SOBP: variants seen among roughly 807,000 people sequenced by gnomAD.
The protein encoded by SOBP is sine oculis-binding protein homolog.
In SOBP, 4 loss-of-function variants were observed where a neutral mutation model predicts 53.6. That is an observed-to-expected ratio of 0.07 (90% CI 0.04 to 0.17). The LOEUF (loss-of-function observed/expected upper bound fraction) is 0.17, where lower values mean the gene tolerates loss of function less well. SOBP is among the 10% of genes least tolerant of loss of function. The pLI, the probability that SOBP is intolerant of heterozygous loss-of-function variation, is 1.00. For synonymous variants in SOBP, 584 were observed against 522.6 expected, an observed-to-expected ratio of 1.12 and a Z score of -1.60; for missense variants, 1,088 against 1,204.7, an observed-to-expected ratio of 0.90 and a Z score of 1.43.
At chr6:107,598,529 A>G (rs187440442) in intron 5 of SOBP, among the ~76,000 whole-genome samples, 1 of 152,340 alleles carries the variant, frequency 6.6e-6, no homozygotes, top group East Asian at 1.9e-4. Context: ...TGGCGAGAAT[A>G]AAATGAATTC....
rs767166553 is a variant in SOBP, at chr6:107,634,578, C to A, written c.1734C>A (p.Ser578Arg). The A allele has an allele frequency of 1.0e-4, 160 of 1,604,614 alleles. No individual in the cohort carries two copies. Among genetic ancestry groups the A allele is most frequent in the Non-Finnish European group, 1.3e-4 (159 of 1,179,692 alleles). ...GDSAAAGGKP[S>R]GHSLSPRDSK... is the part of the protein sequence containing the mutation. ...CCGCGGCGGCGGGCGGCAAGCCAAG[C>A]GGACACTCCCTGTCCCCCCGGGACT... The change falls in exon 6 of 7, where the codon AGC (serine) becomes AGA (arginine). Residue 578 changes from serine to arginine, a missense_variant. This residue lies in a region of SOBP where 665 missense variants were observed against 629.7 expected (regional missense o/e 1.06). Transcript: ENST00000317357. The surrounding 1 kb of genome is among the most constrained non-coding windows in gnomAD (Gnocchi z 4.5).
intron 1 of SOBP, among the ~76,000 whole-genome samples, chr6:107,499,295 C>T (rs899235041): frequency 3.3e-5 from 5 of 151,808 alleles, no homozygotes; most frequent in African/African-American, 9.7e-5. Flanking sequence ...AATTTTCTGT[C>T]GTGAAAAGAG....
At chr6:107,597,258 C>T (rs1427475780) in intron 5 of SOBP, among the ~76,000 whole-genome samples, 1 of 152,160 alleles carries the variant, frequency 6.6e-6, no homozygotes, top group Non-Finnish European at 1.5e-5. Flanking sequence ...CATTAGATAG[C>T]TATTTCAATC....
chr6:107,634,860 G>A lies in SOBP; in HGVS notation c.2016G>A (p.Leu672=). ...TGCACAACGTGATCCACCGCGCGCT[G>A]CACGCGCACGTCAAGGCGGAGCGCG... is the stretch of plus-strand genomic sequence containing the variant. ...ARLHNVIHRA[L]HAHVKAEREP... The change falls in exon 6 of 7, where the codon CTG becomes CTA. Residue 672 remains leucine, a synonymous_variant. Transcript: ENST00000317357. The surrounding 1 kb of genome is among the most constrained non-coding windows in gnomAD (Gnocchi z 4.5). 1.4e-6 allele frequency: 2 copies of A among 1,386,904 alleles called. No individual in the cohort carries two copies. The highest frequency in any genetic ancestry group is 1.9e-6 in the Non-Finnish European group (2 of 1,064,872). The allele number at this position is 1,386,904 out of a possible 1,614,324, so 85.9% of individuals were successfully genotyped here.
At position 107,635,259 on chromosome 6, in the gene SOBP, C is replaced by T. The variant is rs919207068; in HGVS notation, c.2415C>T (p.Asn805=). The change falls in exon 6 of 7, where the codon AAC becomes AAT. Residue 805 remains asparagine (N), a synonymous_variant. Transcript: ENST00000317357. This position sits in a 1 kb window ranked among gnomAD's most constrained non-coding sequence, Gnocchi z 4.5. ...ALAGGDKSDP[N]LNNPADEDHA... is the part of the protein sequence containing the mutation. ...CGGGGGGCGACAAGTCAGACCCGAACCTTAATAACCCCGCGGACGAGGACC... is the reference window on the plus strand; with the variant it reads ...CGGGGGGCGACAAGTCAGACCCGAATCTTAATAACCCCGCGGACGAGGACC... 5 of 1,613,834 alleles carry T rather than the reference C, an allele frequency of 3.1e-6. No individual in the cohort carries two copies. The African/African-American group carries it at 4.0e-5, about 13-fold the overall frequency.
intron 6 of SOBP, among the ~76,000 whole-genome samples, chr6:107,645,768 G>A (rs1166586426): frequency 6.6e-6 from 1 of 152,218 alleles, no homozygotes; most frequent in Non-Finnish European, 1.5e-5. Flanking sequence ...GTGCCTTCTG[G>A]TCGATGAATT....
At chr6:107,597,528 C>G (rs1785990562) in intron 5 of SOBP, among the ~76,000 whole-genome samples, 1 of 152,066 alleles carries the variant, frequency 6.6e-6, no homozygotes, top group South Asian at 2.1e-4. Context: ...AATAAACAAG[C>G]ATTACTGAAG....
At chr6:107,641,278 G>A (rs1262193606) in intron 6 of SOBP, among the ~76,000 whole-genome samples, 3 of 152,206 alleles carry the variant, frequency 2.0e-5, no homozygotes, top group Admixed American at 6.5e-5. Context: ...CAATAAGATT[G>A]CCTTAGTGAC....
chr6:107,619,867 G>A (rs1347466086), intron 5 of SOBP, among the ~76,000 whole-genome samples: 2 of 152,076 alleles, frequency 1.3e-5, no homozygotes. Flanking sequence ...CCACCAGGAG[G>A]GAGTATTACG....
chr6:107,523,460 C>T (rs1783572452), intron 3 of SOBP, among the ~76,000 whole-genome samples: 1 of 152,250 alleles, frequency 6.6e-6, no homozygotes, highest in Non-Finnish European at 1.5e-5. Flanking sequence ...GCATACCCTT[C>T]AACCTACTGA....
At chr6:107,553,346 T>TTTA (rs1562609347) in intron 4 of SOBP, among the ~76,000 whole-genome samples, 10 of 122,122 alleles carry the variant, frequency 8.2e-5, no homozygotes, top group South Asian at 2.7e-4. Flanking sequence ...TTATTTATTT[T>TTTA]GAGACAGAGT....
chr6:107,635,063 C>T lies in SOBP; in HGVS notation c.2219C>T (p.Pro740Leu), dbSNP rs1034315455. Residue 740 changes from proline (P) to leucine (L), a missense_variant, in exon 6 of 7, where the codon CCG becomes CTG. Pro to Leu is a moderately conservative substitution (Grantham distance 98). Coordinates refer to ENST00000317357, the MANE Select transcript of SOBP (RefSeq NM_018013.4). This position sits in a 1 kb window ranked among gnomAD's most constrained non-coding sequence, Gnocchi z 4.5. ...AAAEGAKSAE[P>L]PPEQPPPPPP... ...GCCGAGGGCGCTAAGAGCGCGGAGC[C>T]GCCTCCCGAGCAGCCGCCGCCGCCG... 3 of 1,538,668 alleles carry T rather than the reference C, an allele frequency of 1.9e-6. No individual in the cohort carries two copies. The highest frequency in any genetic ancestry group is 2.6e-6 in the Non-Finnish European group (3 of 1,142,808).
At chr6:107,550,645 A>G (rs1246621836) in intron 4 of SOBP, among the ~76,000 whole-genome samples, 1 of 152,178 alleles carries the variant, frequency 6.6e-6, no homozygotes, top group East Asian at 1.9e-4. Flanking sequence ...CCCAGCCCAG[A>G]GGCCAGGCTC....
intron 4 of SOBP, among the ~76,000 whole-genome samples, chr6:107,572,494 G>A (rs1406074879): frequency 2.0e-5 from 3 of 152,048 alleles, no homozygotes; most frequent in Non-Finnish European, 4.4e-5. Flanking sequence ...AGTAGAGACA[G>A]GATTTTGCCA....
rs532951837 is a variant in SOBP at position 107,533,021 on chromosome 6, A to G, written c.422-438A>G. Among the ~76,000 whole-genome samples, 11 of 152,310 alleles carry G rather than the reference A, an allele frequency of 7.2e-5. 2 individuals are homozygous for G. Among genetic ancestry groups the G allele is most frequent in the African/African-American group, 2.4e-4 (10 of 41,564 alleles). On this transcript the variant is annotated intron_variant, in intron 3 of 6. Coordinates refer to ENST00000317357, the MANE Select transcript of SOBP (RefSeq NM_018013.4). ...AGCCTGGCGTCTGGTCAAGGTTCAC[A>G]TGAGGGTGTTCCATTTGTAAGTTAG... is the stretch of plus-strand genomic sequence containing the variant.
intron 5 of SOBP, among the ~76,000 whole-genome samples, chr6:107,601,927 A>C (rs919536578): frequency 6.6e-6 from 1 of 152,208 alleles, no homozygotes. Context: ...CTCTGCCTAC[A>C]TTCTCTTTTC....
intron 3 of SOBP, among the ~76,000 whole-genome samples, chr6:107,529,241 A>C (rs899623732): frequency 6.6e-6 from 1 of 152,250 alleles, no homozygotes; most frequent in African/African-American, 2.4e-5. Context: ...TAAAGAAAGC[A>C]AACTTCAGTT....
At chr6:107,643,536 C>T (rs1339965965) in intron 6 of SOBP, among the ~76,000 whole-genome samples, 1 of 152,146 alleles carries the variant, frequency 6.6e-6, no homozygotes. Flanking sequence ...CCTGCCTCAG[C>T]CTCCCAAGTA....
chr6:107,628,258 G>A (rs1404411514), intron 5 of SOBP, among the ~76,000 whole-genome samples: 1 of 152,214 alleles, frequency 6.6e-6, no homozygotes, highest in Non-Finnish European at 1.5e-5. Context: ...CTCAGCAGGA[G>A]TTGAATAGAG....
Sources: gnomAD v4.1 joint callset for allele counts (sites outside exome capture counted in the v4.1 genomes callset) on GRCh38, gnomAD v4.1.1 for gene constraint, gnomAD v4.1.1 regional missense constraint, Gnocchi (gnomAD v3.1) non-coding constraint, MANE v1.5 for transcripts, NCBI Gene and HGNC (gene_info 2026-07-23, HGNC 2026-07-21) for gene names.